EXOC6B: variants seen among roughly 807,000 people sequenced by gnomAD.
EXOC6B encodes the protein exocyst complex component 6B, also known as SEC15 homolog B.
In EXOC6B, 54 loss-of-function variants were observed where a neutral mutation model predicts 113.5. That is an observed-to-expected ratio of 0.48 (90% CI 0.38 to 0.60). The LOEUF is 0.60. EXOC6B is among the 20% of genes least tolerant of loss of function. The pLI is 0.00. For missense variants in EXOC6B, 797 were observed against 977.5 expected (o/e 0.82, Z 2.46); for synonymous variants, 357 against 339.0 (o/e 1.05, Z -0.58).
intron 3 of EXOC6B, among the ~76,000 whole-genome samples, chr2:72,732,170 T>TG (rs1680680734): frequency 6.6e-6 from 1 of 152,124 alleles, no homozygotes; most frequent in African/African-American, 2.4e-5. Context: ...GGGATAGAGA[T>TG]GGGGTCTCCC....
At chr2:72,358,141 A>G (rs1255212610) in intron 19 of EXOC6B, among the ~76,000 whole-genome samples, 3 of 152,154 alleles carry the variant, frequency 2.0e-5, no homozygotes, top group Admixed American at 1.3e-4. Flanking sequence ...CTACATAAAT[A>G]TATTTAATAT....
At chr2:72,256,422 A>C (rs959647885) in intron 20 of EXOC6B, among the ~76,000 whole-genome samples, 3 of 152,236 alleles carry the variant, frequency 2.0e-5, no homozygotes, top group Non-Finnish European at 4.4e-5. Flanking sequence ...TCATAGAAAA[A>C]GCATGAAATA....
intron 1 of EXOC6B, among the ~76,000 whole-genome samples, chr2:72,786,211 C>T (rs927198302): frequency 1.3e-5 from 2 of 152,112 alleles, no homozygotes; most frequent in Non-Finnish European, 2.9e-5. Flanking sequence ...AGATTATGTC[C>T]TCTATACCAA....
At chr2:72,585,777 C>T (rs1425177376) in intron 6 of EXOC6B, among the ~76,000 whole-genome samples, 1 of 151,936 alleles carries the variant, frequency 6.6e-6, no homozygotes, top group South Asian at 2.1e-4. Flanking sequence ...AGACCAATAT[C>T]GAGTTCCAAA....
At chr2:72,409,168 T>C (rs529863680) in intron 18 of EXOC6B, among the ~76,000 whole-genome samples, 1 of 152,288 alleles carries the variant, frequency 6.6e-6, no homozygotes, top group East Asian at 1.9e-4. Context: ...CACAATGAGA[T>C]ACCATCTCAC....
chr2:72,184,220 A>T (rs1218643343), intron 20 of EXOC6B, 33 bp from the exon 21 acceptor site: 3 of 1,192,690 alleles, frequency 2.5e-6, no homozygotes, highest in Non-Finnish European at 3.7e-6. Context: ...CCCAGGGATT[A>T]GTCAGACAGA....
chr2:72,269,484 G>C (rs1244468252), intron 20 of EXOC6B, among the ~76,000 whole-genome samples: 1 of 152,150 alleles, frequency 6.6e-6, no homozygotes, highest in Admixed American at 6.5e-5. Flanking sequence ...TCCAGGCAAG[G>C]TCACTGGAGA....
rs61686646 is a variant in EXOC6B at position 72,426,775 on chromosome 2, T to A, written c.1980+38385A>T. 7.6e-4 allele frequency among the ~76,000 whole-genome samples: 116 copies of A among 152,370 alleles called. No homozygotes were observed. The East Asian group carries it at 0.013, about 18-fold the overall frequency. On this transcript the variant is annotated intron_variant, in intron 18 of 21. Transcript: ENST00000272427. ...AATTTAGGGACATATGTATCAGCAT[T>A]TGACATCTAACTTTAATTTAGTTCA...
chr2:72,718,396 T>A, intron 5 of EXOC6B, 89 bp from the exon 6 acceptor site: 1 of 931,316 alleles, frequency 1.1e-6, no homozygotes, highest in Non-Finnish European at 1.6e-6. Context: ...CACTGTGCAT[T>A]AACACAAATC....
intron 18 of EXOC6B, among the ~76,000 whole-genome samples, chr2:72,383,910 T>C (rs1691838798): frequency 6.6e-6 from 1 of 152,004 alleles, no homozygotes. Context: ...GAAAACCAAA[T>C]GCCTCATGTT....
intron 6 of EXOC6B, among the ~76,000 whole-genome samples, chr2:72,672,147 A>T (rs1675928156): frequency 6.6e-6 from 1 of 151,802 alleles, no homozygotes; most frequent in African/African-American, 2.4e-5. Flanking sequence ...TTCCTCAAAA[A>T]ACTAAGAACA....
At chr2:72,417,297 C>G (rs1348070829) in intron 18 of EXOC6B, among the ~76,000 whole-genome samples, 1 of 152,110 alleles carries the variant, frequency 6.6e-6, no homozygotes, top group Non-Finnish European at 1.5e-5. Flanking sequence ...TCAAGAGATT[C>G]TCTTGCCTCA....
chr2:72,472,411 A>G (rs1352664061), intron 17 of EXOC6B, among the ~76,000 whole-genome samples: 1 of 151,956 alleles, frequency 6.6e-6, no homozygotes, highest in East Asian at 1.9e-4. Context: ...CAGGTTTTCC[A>G]TTTCTTCCTG....
intron 6 of EXOC6B, among the ~76,000 whole-genome samples, chr2:72,669,090 A>G (rs1675600975): frequency 6.6e-6 from 1 of 152,028 alleles, no homozygotes; most frequent in South Asian, 2.1e-4. Flanking sequence ...TTATATCAAA[A>G]AATATATTAT....
intron 17 of EXOC6B, among the ~76,000 whole-genome samples, chr2:72,471,184 T>C (rs539548174): frequency 2.0e-5 from 3 of 152,292 alleles, no homozygotes; most frequent in East Asian, 1.9e-4. Context: ...TGGTATCTCA[T>C]TGTGGTTTTG....
intron 6 of EXOC6B, among the ~76,000 whole-genome samples, chr2:72,576,021 G>A (rs929515258): frequency 4.6e-5 from 7 of 152,064 alleles, no homozygotes; most frequent in African/African-American, 1.7e-4. Flanking sequence ...TTTTGCCTTA[G>A]TAGGCCAGGA....
intron 20 of EXOC6B, among the ~76,000 whole-genome samples, chr2:72,259,346 TTGTG>T (rs1344828231): frequency 6.6e-6 from 1 of 152,240 alleles, no homozygotes; most frequent in African/African-American, 2.4e-5. Context: ...GTCCGTGTTG[TTGTG>T]TGTATCAGTA....
intron 8 of EXOC6B, among the ~76,000 whole-genome samples, chr2:72,542,180 C>T (rs961625554): frequency 6.6e-6 from 1 of 152,138 alleles, no homozygotes; most frequent in African/African-American, 2.4e-5. Flanking sequence ...TGAAGTACTG[C>T]ATTCATTCAT....
At chr2:72,427,227 G>C (rs1459803305) in intron 18 of EXOC6B, among the ~76,000 whole-genome samples, 1 of 152,212 alleles carries the variant, frequency 6.6e-6, no homozygotes, top group Admixed American at 6.5e-5. Context: ...GGGCACAGAG[G>C]GGTGGACAGA....
Sources: gnomAD v4.1 joint callset for allele counts (sites outside exome capture counted in the v4.1 genomes callset) on GRCh38, gnomAD v4.1.1 for gene constraint, MANE v1.5 for transcripts, NCBI Gene and HGNC (gene_info 2026-07-23, HGNC 2026-07-21) for gene names.